Variants in GPC5 observed in about 807,000 individuals in gnomAD.
GPC5 encodes the protein glypican-5.
A neutral mutation model predicts 53.9 loss-of-function variants in GPC5; 47 were observed. The ratio of observed to expected loss-of-function variants is 0.87; its 90% CI spans 0.69 to 1.11. The LOEUF (loss-of-function observed/expected upper bound fraction) is 1.11. Ranked by LOEUF, GPC5 falls within the 50% of genes most tolerant of loss-of-function variation. GPC5 has a pLI of 0.00. For missense variants in GPC5, 748 were observed against 713.1 expected (o/e 1.05, Z -0.56); for synonymous variants, 286 against 263.3 (o/e 1.09, Z -0.84).
chr13:92,527,320 G>A (rs1483968533), intron 7 of GPC5, among the ~76,000 whole-genome samples: 3 of 151,912 alleles, frequency 2.0e-5, no homozygotes, highest in Non-Finnish European at 4.4e-5. Context: ...GTAGAACTCT[G>A]GGACCTACCA....
chr13:91,926,323 T>TGTAC (rs1209277296), intron 6 of GPC5, among the ~76,000 whole-genome samples: 1 of 144,342 alleles, frequency 6.9e-6, no homozygotes, highest in East Asian at 2.0e-4. Context: ...ATCGCACCAC[T>TGTAC]GTACTCCAGG....
At chr13:92,131,173 C>A (rs1476874361) in intron 6 of GPC5, among the ~76,000 whole-genome samples, 3 of 151,842 alleles carry the variant, frequency 2.0e-5, no homozygotes, top group Non-Finnish European at 4.4e-5. Flanking sequence ...ATTAAAATGA[C>A]CGATAATATC....
chr13:92,812,468 G>C (rs773905011), intron 7 of GPC5, among the ~76,000 whole-genome samples: 1 of 151,584 alleles, frequency 6.6e-6, no homozygotes, highest in East Asian at 1.9e-4. Flanking sequence ...ACACAGAAAA[G>C]GCATTTTACA....
intron 2 of GPC5, among the ~76,000 whole-genome samples, chr13:91,591,619 G>A (rs2032802185): frequency 6.6e-6 from 1 of 152,142 alleles, no homozygotes; most frequent in Non-Finnish European, 1.5e-5. Flanking sequence ...TGTCTTGGAA[G>A]TTTTGTTCAT....
intron 7 of GPC5, among the ~76,000 whole-genome samples, chr13:92,598,026 T>C (rs1427198052): frequency 6.6e-6 from 1 of 152,228 alleles, no homozygotes; most frequent in Admixed American, 6.5e-5. Flanking sequence ...ATATATTGAC[T>C]GAACCCTGAG....
chr13:91,456,725 T>C (rs1284586288), intron 2 of GPC5, among the ~76,000 whole-genome samples: 2 of 152,006 alleles, frequency 1.3e-5, no homozygotes, highest in African/African-American at 4.8e-5. Context: ...TTAAAAATTA[T>C]ATTGATAATG....
At chr13:91,753,588 A>G (rs1464820970) in intron 4 of GPC5, among the ~76,000 whole-genome samples, 6 of 152,170 alleles carry the variant, frequency 3.9e-5, no homozygotes, top group Non-Finnish European at 8.8e-5. Context: ...GATGATGATA[A>G]CACCTGCTTG....
At chr13:91,772,188 T>A (rs546123546) in intron 5 of GPC5, among the ~76,000 whole-genome samples, 1 of 152,316 alleles carries the variant, frequency 6.6e-6, no homozygotes, top group Non-Finnish European at 1.5e-5. Flanking sequence ...TTTATTGTAG[T>A]TCCTGTAGTT....
At chr13:92,145,129 G>T (rs995483507) in intron 7 of GPC5, 140 bp downstream of exon 7, 20 of 717,064 alleles carry the variant, frequency 2.8e-5, no homozygotes, top group African/African-American at 2.8e-4. Context: ...TCTATTTTTG[G>T]TTTTTTAGGA....
At chr13:92,120,687 G>C (rs988233400) in intron 6 of GPC5, among the ~76,000 whole-genome samples, 4 of 152,146 alleles carry the variant, frequency 2.6e-5, no homozygotes, top group Admixed American at 2.6e-4. Context: ...ACATATGTAT[G>C]TATGGATATA....
chr13:92,592,797 G>T (rs541043026), intron 7 of GPC5, among the ~76,000 whole-genome samples: 1 of 151,240 alleles, frequency 6.6e-6, no homozygotes, highest in South Asian at 2.1e-4. Context: ...GCTCAATGGA[G>T]GGAGAGCGAG....
At chr13:92,126,473 T>C (rs188496686) in intron 6 of GPC5, among the ~76,000 whole-genome samples, 1 of 152,250 alleles carries the variant, frequency 6.6e-6, no homozygotes, top group Admixed American at 6.5e-5. Flanking sequence ...AAGTAATAAG[T>C]AATGTGGGAA....
chr13:92,677,334 T>A (rs529034965), intron 7 of GPC5, among the ~76,000 whole-genome samples: 103 of 152,166 alleles, frequency 6.8e-4, no homozygotes, highest in Admixed American at 2.9e-3. Context: ...CTAAACAAAC[T>A]GGCTGGTGGA....
chr13:92,376,537 C>T (rs147839565), intron 7 of GPC5, among the ~76,000 whole-genome samples: 6 of 152,106 alleles, frequency 3.9e-5, no homozygotes, highest in African/African-American at 9.7e-5. Flanking sequence ...AGACTGTTGA[C>T]GAGCTCTATT....
chr13:92,671,217 A>G (rs1227046775), intron 7 of GPC5, among the ~76,000 whole-genome samples: 1 of 152,188 alleles, frequency 6.6e-6, no homozygotes, highest in Non-Finnish European at 1.5e-5. Context: ...TCTGTAAAAA[A>G]AACATTCCGA....
At chr13:92,560,947 G>A (rs1882676887) in intron 7 of GPC5, among the ~76,000 whole-genome samples, 2 of 150,614 alleles carry the variant, frequency 1.3e-5, no homozygotes, top group African/African-American at 2.4e-5. Flanking sequence ...TAAGGATACA[G>A]GAGTAGGCAA....
intron 7 of GPC5, among the ~76,000 whole-genome samples, chr13:92,301,034 AAC>A (rs1594083129): frequency 6.6e-6 from 1 of 152,238 alleles, no homozygotes; most frequent in East Asian, 1.9e-4. Context: ...CTATTGAAGT[AAC>A]AGAGTAGCCT....
intron 5 of GPC5, among the ~76,000 whole-genome samples, chr13:91,769,528 T>C (rs1189272104): frequency 1.3e-5 from 2 of 152,146 alleles, no homozygotes; most frequent in Non-Finnish European, 2.9e-5. Flanking sequence ...AAATCACATT[T>C]AGGCTGAATA....
chr13:92,557,959 T>A (rs1268843151), intron 7 of GPC5, among the ~76,000 whole-genome samples: 1 of 151,958 alleles, frequency 6.6e-6, no homozygotes, highest in East Asian at 1.9e-4. Context: ...ATTTGAGAAA[T>A]TAAATTACAT....
Sources: allele counts gnomAD v4.1 joint callset (sites outside exome capture counted in the v4.1 genomes callset), GRCh38; gene constraint gnomAD v4.1.1; transcripts MANE v1.5; gene names NCBI Gene and HGNC (gene_info 2026-07-23, HGNC 2026-07-21).